Variants in TNRC6A observed in about 807,000 individuals in gnomAD.
TNRC6A encodes trinucleotide repeat containing adaptor 6A.
Under a neutral mutation model 221.2 loss-of-function variants are expected in TNRC6A, and 44 were observed. That is an observed-to-expected ratio of 0.20 (90% CI 0.16 to 0.26). The LOEUF is 0.26. Among genes scored for constraint, TNRC6A ranks in the 10% least tolerant of loss-of-function variants. The pLI is 1.00. For synonymous variants in TNRC6A, 847 were observed against 838.5 expected, an observed-to-expected ratio of 1.01 and a Z score of -0.18; for missense variants, 2,199 against 2,404.4, an observed-to-expected ratio of 0.91 and a Z score of 1.79.
chr16:24,812,001 G>T (rs1056991850), intron 18 of TNRC6A, among the ~76,000 whole-genome samples: 1 of 135,564 alleles, frequency 7.4e-6, no homozygotes, highest in Non-Finnish European at 1.6e-5. Context: ...TTGCCGTTCA[G>T]GGGAATGTCA....
At chr16:24,765,929 C>T (rs572302921) in intron 4 of TNRC6A, among the ~76,000 whole-genome samples, 76 of 152,130 alleles carry the variant, frequency 5.0e-4, no homozygotes, top group African/African-American at 1.7e-3. Context: ...TGGCTTTAGG[C>T]AAGGATTATT....
intron 2 of TNRC6A, among the ~76,000 whole-genome samples, chr16:24,731,025 C>T (rs1333371938): frequency 2.0e-5 from 3 of 148,672 alleles, no homozygotes; most frequent in Admixed American, 2.0e-4. Flanking sequence ...AAATATTTAG[C>T]TTCATTGAGC....
chr16:24,634,728 TACA>T (rs1403120510), intron 1 of TNRC6A, among the ~76,000 whole-genome samples: 14 of 152,178 alleles, frequency 9.2e-5, no homozygotes, highest in Admixed American at 6.5e-4. Flanking sequence ...GATTCCAGAT[TACA>T]ACAAGGGATC....
intron 4 of TNRC6A, among the ~76,000 whole-genome samples, chr16:24,764,923 A>G (rs2057440174): frequency 6.6e-6 from 1 of 152,206 alleles, no homozygotes; most frequent in Non-Finnish European, 1.5e-5. Context: ...TTAACAACTA[A>G]TAATAAAATA....
intron 2 of TNRC6A, among the ~76,000 whole-genome samples, chr16:24,643,110 A>ATATATATATTTTATATATATATATTTT (rs1406737326): frequency 1.1e-4 from 6 of 56,800 alleles, no homozygotes; most frequent in Admixed American, 2.4e-4. Flanking sequence ...ATATATATAA[A>ATATATATATTTTATATATATATATTTT]ATATATATAT....
chr16:24,704,319 A>G, intron 2 of TNRC6A, among the ~76,000 whole-genome samples: 1 of 151,970 alleles, frequency 6.6e-6, no homozygotes, highest in East Asian at 1.9e-4. Flanking sequence ...GTGTATTCAT[A>G]TTTTTTAACA....
chr16:24,646,084 A>G (rs1409630732), intron 2 of TNRC6A, among the ~76,000 whole-genome samples: 5 of 152,120 alleles, frequency 3.3e-5, no homozygotes, highest in Non-Finnish European at 7.4e-5. Context: ...ATTGATTTGT[A>G]TTATGAAATG....
intron 2 of TNRC6A, among the ~76,000 whole-genome samples, chr16:24,703,229 C>A (rs916830639): frequency 2.0e-5 from 3 of 152,016 alleles, no homozygotes; most frequent in Non-Finnish European, 2.9e-5. Flanking sequence ...CCCCAGCAAC[C>A]ACTAATCTAC....
intron 2 of TNRC6A, among the ~76,000 whole-genome samples, chr16:24,730,701 T>TG (rs1161227857): frequency 1.3e-5 from 2 of 150,500 alleles, no homozygotes; most frequent in African/African-American, 4.9e-5. Flanking sequence ...CTCAAATTGT[T>TG]GCTTTTATAA....
chr16:24,788,754 T>A (rs2058029218), intron 5 of TNRC6A, among the ~76,000 whole-genome samples: 1 of 151,982 alleles, frequency 6.6e-6, no homozygotes, highest in African/African-American at 2.4e-5. Flanking sequence ...GTTCATGCCA[T>A]TCTCCTGCCT....
At chr16:24,799,039 G>A (rs1345657423) in intron 11 of TNRC6A, among the ~76,000 whole-genome samples, 6 of 152,130 alleles carry the variant, frequency 3.9e-5, no homozygotes, top group South Asian at 2.1e-4. Flanking sequence ...GGAGGCACTC[G>A]CTACGGAGCT....
At chr16:24,731,822 A>G (rs1330823333) in intron 2 of TNRC6A, among the ~76,000 whole-genome samples, 9 of 152,360 alleles carry the variant, frequency 5.9e-5, no homozygotes, top group East Asian at 5.8e-4. Context: ...CAGCTCTGCT[A>G]CTTGCAATAT....
intron 2 of TNRC6A, among the ~76,000 whole-genome samples, chr16:24,714,226 C>T (rs945976812): frequency 2.0e-5 from 3 of 150,646 alleles, no homozygotes; most frequent in African/African-American, 7.3e-5. Context: ...CTGTCTTCTT[C>T]GCTTTAGATA....
rs889144552 is a variant in TNRC6A at position 24,793,844 on chromosome 16, C to T, written c.3352+195C>T. ...CTCTTTCTGAATTTTCCTCTTTTCT[C>T]ATATTTCTTAGAACTGTAACTATTC... is the stretch of plus-strand genomic sequence containing the variant. On this transcript the variant is annotated intron_variant, in intron 7 of 24. Transcript: ENST00000395799. 2.6e-5 allele frequency among the ~76,000 whole-genome samples: 4 copies of T among 152,126 alleles called. No individual in the cohort carries two copies. The South Asian group carries it at 6.2e-4, about 24-fold the overall frequency.
chr16:24,760,492 T>G (rs2057339869), intron 4 of TNRC6A, among the ~76,000 whole-genome samples: 1 of 152,198 alleles, frequency 6.6e-6, no homozygotes, highest in South Asian at 2.1e-4. Flanking sequence ...GAAGGTCACT[T>G]CAGAATACAT....
At chr16:24,658,659 A>G (rs1172514316) in intron 2 of TNRC6A, among the ~76,000 whole-genome samples, 1 of 149,692 alleles carries the variant, frequency 6.7e-6, no homozygotes. Context: ...AGCCCCACCC[A>G]CCCTGTTTCT....
intron 2 of TNRC6A, among the ~76,000 whole-genome samples, chr16:24,735,933 G>A (rs1168858283): frequency 1.3e-5 from 2 of 152,188 alleles, no homozygotes; most frequent in Non-Finnish European, 2.9e-5. Flanking sequence ...GGGAGGCCGA[G>A]GTGGGCAGAT....
In TNRC6A at chr16:24,645,143, G is replaced by A. The variant is rs569781454; in HGVS notation, n.402+4134G>A. Reference sequence around the variant, plus strand: ...TTCCTGTATTATTCACTTCCACATTGGTGAAGCTAGTTCATCTTTATTGGA... The same window carrying A: ...TTCCTGTATTATTCACTTCCACATTAGTGAAGCTAGTTCATCTTTATTGGA... On this transcript the variant is annotated intron_variant and non_coding_transcript_variant, in intron 2 of 2. Transcript: ENST00000566108. Among the ~76,000 whole-genome samples, 12 of 152,288 alleles carry A rather than the reference G, an allele frequency of 7.9e-5. No individual in the cohort carries two copies. The East Asian group carries it at 1.4e-3, about 17-fold the overall frequency.
rs748984637 is a variant in TNRC6A at position 24,790,044 on chromosome 16, G to A, written c.1402G>A (p.Gly468Ser). ...NFMTSSLPNS[G>S]SVQNNELPSS... The stretch of plus-strand genomic sequence containing the variant: ...TATGACCTCTAGTTTACCAAACTCC[G>A]GTTCAGTGCAGAATAATGAGCTGCC... The change falls in exon 6 of 25, where the codon GGT becomes AGT. Residue 468 changes from glycine (G) to serine (S), a missense_variant. Physicochemically the swap from Gly to Ser is moderately conservative, Grantham distance 56. Coordinates refer to ENST00000395799, the MANE Select transcript of TNRC6A (RefSeq NM_014494.4). 20 of 1,614,196 alleles carry A rather than the reference G, an allele frequency of 1.2e-5. No homozygotes were observed. The highest frequency in any genetic ancestry group is 1.5e-5 in the Non-Finnish European group (18 of 1,180,038).
Sources: gnomAD v4.1 joint callset for allele counts (sites outside exome capture counted in the v4.1 genomes callset) on GRCh38, gnomAD v4.1.1 for gene constraint, MANE v1.5 for transcripts, NCBI Gene and HGNC (gene_info 2026-07-23, HGNC 2026-07-21) for gene names.